Variants in PPFIA1 observed in about 807,000 individuals in gnomAD.
PPFIA1 encodes PPFI scaffold protein A1.
In PPFIA1, 25 loss-of-function variants were observed where a neutral mutation model predicts 149.9. That is an observed-to-expected ratio of 0.17 (90% CI 0.12 to 0.23). PPFIA1 has a LOEUF of 0.23. Ranked by LOEUF, PPFIA1 falls within the 10% of genes least tolerant of loss-of-function variation. PPFIA1 has a pLI of 1.00. For missense variants in PPFIA1, 1,362 were observed against 1,506.5 expected, an observed-to-expected ratio of 0.90 and a Z score of 1.59; for synonymous variants, 549 against 552.8, an observed-to-expected ratio of 0.99 and a Z score of 0.10.
chr11:70,341,493 A>G (rs1415272479), intron 14 of PPFIA1, among the ~76,000 whole-genome samples: 1 of 152,166 alleles, frequency 6.6e-6, no homozygotes, highest in Admixed American at 6.5e-5. Flanking sequence ...ACACTGGCTT[A>G]GAGGAGACTA....
At chr11:70,347,239 A>C (rs2055759517) in intron 15 of PPFIA1, among the ~76,000 whole-genome samples, 1 of 152,188 alleles carries the variant, frequency 6.6e-6, no homozygotes, top group South Asian at 2.1e-4. Context: ...TAAAATTTTA[A>C]AATATCACTT....
intron 2 of PPFIA1, among the ~76,000 whole-genome samples, chr11:70,297,445 C>T (rs566229775): frequency 6.6e-6 from 1 of 152,020 alleles, no homozygotes; most frequent in South Asian, 2.1e-4. Flanking sequence ...AAGATGTAAA[C>T]AATATGGAAA....
chr11:70,271,066 T>G (rs1257698388), intron 1 of PPFIA1, among the ~76,000 whole-genome samples, 152 bp downstream of exon 1: 1 of 151,466 alleles, frequency 6.6e-6, no homozygotes, highest in Non-Finnish European at 1.5e-5. Context: ...CGGGTCGCGC[T>G]GGGAGAGCTC....
At chr11:70,314,126 C>T (rs368885683) in intron 2 of PPFIA1, among the ~76,000 whole-genome samples, 5 of 152,094 alleles carry the variant, frequency 3.3e-5, no homozygotes, top group African/African-American at 1.2e-4. Flanking sequence ...AGCAGCAGAC[C>T]GGAAATGTGG....
At chr11:70,296,359 G>C (rs1244989914) in intron 2 of PPFIA1, among the ~76,000 whole-genome samples, 4 of 152,058 alleles carry the variant, frequency 2.6e-5, no homozygotes, top group African/African-American at 9.7e-5. Flanking sequence ...GTAGCGAGCC[G>C]AGATCACGCC....
chr11:70,372,411 C>A, intron 22 of PPFIA1, 21 bp downstream of exon 22: 1 of 1,613,672 alleles, frequency 6.2e-7, no homozygotes, highest in African/African-American at 1.3e-5. Context: ...GGAGATAGTT[C>A]TTAATAATTG....
chr11:70,310,328 A>G (rs934011332), intron 2 of PPFIA1, among the ~76,000 whole-genome samples: 2 of 151,452 alleles, frequency 1.3e-5, no homozygotes, highest in Non-Finnish European at 2.9e-5. Flanking sequence ...CACCCTCCTT[A>G]GTTGCTAAGC....
At position 70,383,609 on chromosome 11, in the gene PPFIA1, T is replaced by C. The variant is rs1034364515; in HGVS notation, c.*619T>C. 1.3e-5 allele frequency: 2 copies of C among 154,912 alleles called. No homozygotes were observed. Among genetic ancestry groups the C allele is most frequent in the African/African-American group, 4.8e-5 (2 of 41,498 alleles). The allele number at this position is 154,912 out of a possible 1,614,324, so 9.6% of individuals were successfully genotyped here. ...TTCTGCAGCATGAACAGATTTAAAATGGCTGGTGTTAAATATCAGCTCCTA... is the reference window on the plus strand; with the variant it reads ...TTCTGCAGCATGAACAGATTTAAAACGGCTGGTGTTAAATATCAGCTCCTA... On this transcript the variant is annotated 3_prime_UTR_variant, in exon 28 of 28. Coordinates refer to ENST00000253925, the MANE Select transcript of PPFIA1 (RefSeq NM_003626.5).
chr11:70,330,408 A>C (rs2054583349), intron 8 of PPFIA1, 89 bp downstream of exon 8: 7 of 1,185,320 alleles, frequency 5.9e-6, no homozygotes, highest in Non-Finnish European at 8.1e-6. Flanking sequence ...GTTGGAAATC[A>C]AGTCCAAATA....
chr11:70,371,811 CAA>C (rs1208791389), intron 21 of PPFIA1: 3 of 153,146 alleles, frequency 2.0e-5, no homozygotes, highest in Admixed American at 1.3e-4. Flanking sequence ...TTTAGGAAAA[CAA>C]AGTGTTAAAA....
chr11:70,332,098 G>A lies in PPFIA1; in HGVS notation c.1212+4G>A. On this transcript the variant is annotated splice_donor_region_variant and intron_variant, in intron 9 of 27. Coordinates refer to ENST00000253925, the MANE Select transcript of PPFIA1 (RefSeq NM_003626.5). ...GAGGGTGGCAGCGCTTTCCAAGGTA[G>A]TGCCATGAGCTTCATTCTGGTTCGG... 6.3e-7 allele frequency: 1 copy of A among 1,592,156 alleles called. No individual in the cohort carries two copies. The highest frequency in any genetic ancestry group is 8.5e-7 in the Non-Finnish European group (1 of 1,171,812).
chr11:70,378,407 T>C, intron 26 of PPFIA1: 1 of 1,286,040 alleles, frequency 7.8e-7, no homozygotes, highest in South Asian at 2.6e-5. Flanking sequence ...CACGCTTGTC[T>C]GGTTGAATCT....
intron 18 of PPFIA1, 21 bp from the exon 19 acceptor site, chr11:70,356,140 G>T (rs771514722): frequency 9.5e-5 from 150 of 1,582,958 alleles, no homozygotes; most frequent in Non-Finnish European, 1.3e-4. Context: ...TTTACTTCTG[G>T]GCTGTTCTGC....
intron 14 of PPFIA1, among the ~76,000 whole-genome samples, chr11:70,341,694 TG>T (rs1222403756): frequency 6.6e-6 from 1 of 152,162 alleles, no homozygotes; most frequent in East Asian, 1.9e-4. Context: ...CATGGGTGCC[TG>T]GATGGAGACA....
At chr11:70,355,614 A>G in intron 17 of PPFIA1, 25 bp from the exon 18 acceptor site, 1 of 1,579,048 alleles carries the variant, frequency 6.3e-7, no homozygotes. Context: ...GGCACATAGT[A>G]AAGATCCGTT....
Position 70,326,361 on chromosome 11 carries a change from A to G in PPFIA1, c.706A>G (p.Lys236Glu). 1 of 1,586,586 alleles carries G rather than the reference A, an allele frequency of 6.3e-7. No homozygotes were observed. Among genetic ancestry groups the G allele is most frequent in the Non-Finnish European group, 8.6e-7 (1 of 1,157,310 alleles). The part of the protein sequence containing the change: ...EQENTPSTSG[K>E]RSSDGSLSHE... ...AGAAAATACACCAAGCACGAGTGGA[A>G]AGGCAAGTCTGTAGGCTTTGTCTTT... Residue 236 changes from lysine to glutamate, a missense_variant and splice_region_variant, in exon 6 of 28, where the codon AAG (lysine) becomes GAG (glutamate). Transcript: ENST00000253925.
chr11:70,313,447 G>A (rs966039418), intron 2 of PPFIA1, among the ~76,000 whole-genome samples: 5 of 152,150 alleles, frequency 3.3e-5, no homozygotes, highest in African/African-American at 9.7e-5. Context: ...GGATCCGAGC[G>A]GGGAAAGATT....
At chr11:70,347,761 T>G (rs890121745) in intron 15 of PPFIA1, among the ~76,000 whole-genome samples, 2 of 151,986 alleles carry the variant, frequency 1.3e-5, no homozygotes, top group Non-Finnish European at 2.9e-5. Flanking sequence ...CCCACTACTT[T>G]GGGAGGCCGA....
chr11:70,326,186 A>G, intron 5 of PPFIA1, 76 bp from the exon 6 acceptor site: 1 of 852,824 alleles, frequency 1.2e-6, no homozygotes, highest in Non-Finnish European at 1.8e-6. Flanking sequence ...GTGTTTTTCC[A>G]AAAGGAGTTT....
Sources: allele counts gnomAD v4.1 joint callset (sites outside exome capture counted in the v4.1 genomes callset), GRCh38; gene constraint gnomAD v4.1.1; transcripts MANE v1.5; gene names NCBI Gene and HGNC (gene_info 2026-07-23, HGNC 2026-07-21).